The following ZBTB11 variants were observed in gnomAD, a reference collection of about 807,000 sequenced individuals.
ZBTB11 encodes the protein zinc finger and BTB domain-containing protein 11.
A neutral mutation model predicts 113.1 loss-of-function variants in ZBTB11; 68 were observed. That is an observed-to-expected ratio of 0.60 (90% CI 0.49 to 0.74). The LOEUF (loss-of-function observed/expected upper bound fraction) is 0.74, where lower values mean the gene tolerates loss of function less well. Ranked by LOEUF, ZBTB11 falls within the 30% of genes least tolerant of loss-of-function variation. The probability of loss-of-function intolerance (pLI) is 0.00; values close to 1 mark genes in which losing one functional copy is unlikely to be tolerated. For synonymous variants in ZBTB11, 518 were observed against 452.6 expected, an observed-to-expected ratio of 1.14 and a Z score of -1.83; for missense variants, 1,104 against 1,279.4, an observed-to-expected ratio of 0.86 and a Z score of 2.09.
chr3:101,672,364 A>G lies in ZBTB11; in HGVS notation c.311-151T>C. On this transcript the variant is annotated intron_variant, in intron 1 of 10. Transcript: ENST00000312938. ...TAGAGTTTATTAGAATGTAAAATAT[A>G]CTTTTTTCCCAAAAAATATAAAGTT... 3 of 569,958 alleles carry G rather than the reference A, an allele frequency of 5.3e-6. No homozygotes were observed. In the East Asian group the frequency reaches 9.2e-5, roughly 17 times the overall value. The allele number at this position is 569,958 out of a possible 1,614,324, so 35.3% of individuals were successfully genotyped here. A position where few individuals can be genotyped will look rare whatever the true frequency, so the allele number is the denominator to read the frequency against.
chr3:101,664,481 T>G, intron 5 of ZBTB11, 57 bp downstream of exon 5: 1 of 1,493,712 alleles, frequency 6.7e-7, no homozygotes, highest in Non-Finnish European at 9.0e-7. Flanking sequence ...ATGCAGTAAG[T>G]TGGATTCTAT....
chr3:101,652,454 C>T (rs1463089591), intron 10 of ZBTB11, 42 bp downstream of exon 10: 2 of 1,580,962 alleles, frequency 1.3e-6, no homozygotes, highest in South Asian at 1.2e-5. Flanking sequence ...ACTGGACTGG[C>T]TTTTATTCTA....
At position 101,677,076 on chromosome 3, in the gene ZBTB11, C is replaced by T; in HGVS notation, c.-162G>A. The stretch of plus-strand genomic sequence containing the variant: ...TCCCTTAGTCCGAAGGAAAAGCGGG[C>T]GAGTTGGTAACCAGGGGGAACTGCA... On this transcript the variant is annotated 5_prime_UTR_variant, in exon 1 of 11. Coordinates refer to ENST00000312938, the MANE Select transcript of ZBTB11 (RefSeq NM_014415.4). The T allele has an allele frequency of 6.4e-6, 5 of 781,968 alleles. No homozygotes were observed. The highest frequency in any genetic ancestry group is 2.1e-5 in the South Asian group (1 of 47,936). The allele number at this position is 781,968 out of a possible 1,614,324, so 48.4% of individuals were successfully genotyped here.
Position 101,676,695 on chromosome 3 carries a change from G to T in ZBTB11, c.220C>A (p.Leu74Ile), listed in dbSNP as rs542541417. ...GGACCCAGGTGCGCCGCCTCGATGA[G>T]GTCCCGGCGTCGCTCCGGCTGCAGC... is the stretch of plus-strand genomic sequence containing the variant. ...VVLQPERRRDLIEAAHLGPGG... is the reference protein window; with the variant it reads ...VVLQPERRRDIIEAAHLGPGG... The change falls in exon 1 of 11, where the codon CTC becomes ATC. Residue 74 changes from leucine (L) to isoleucine (I), a missense_variant. Transcript: ENST00000312938. The T allele has an allele frequency of 3.9e-5, 63 of 1,598,718 alleles. No homozygotes were observed. Among genetic ancestry groups the T allele is most frequent in the Non-Finnish European group, 5.1e-5 (60 of 1,172,240 alleles).
intron 1 of ZBTB11, among the ~76,000 whole-genome samples, chr3:101,674,398 T>C (rs567800391): frequency 6.6e-6 from 1 of 151,846 alleles, no homozygotes; most frequent in Non-Finnish European, 1.5e-5. Flanking sequence ...TTTATATGAG[T>C]GTAGATTTAG....
At chr3:101,674,656 G>A (rs1236471789) in intron 1 of ZBTB11, among the ~76,000 whole-genome samples, 1 of 151,858 alleles carries the variant, frequency 6.6e-6, no homozygotes, top group Admixed American at 6.6e-5. Flanking sequence ...CCGATATCGC[G>A]CCACTGCACT....
intron 3 of ZBTB11, among the ~76,000 whole-genome samples, chr3:101,669,983 C>G (rs546129497): frequency 6.6e-6 from 1 of 151,980 alleles, no homozygotes; most frequent in Non-Finnish European, 1.5e-5. Flanking sequence ...CATGCGCCAC[C>G]GTGCCCAACT....
At position 101,671,219 on chromosome 3, in the gene ZBTB11, G is replaced by C. The variant is rs1384049000; in HGVS notation, c.689C>G (p.Ser230Cys). ...ATACTCGCTATTTGCTGACAAAACA[G>C]ATTTATGAGCTTTGTACTCTTCTCC... The part of the protein sequence containing the change: ...IEGEEYKAHK[S>C]VLSANSEYFR... Residue 230 changes from serine (S) to cysteine (C), a missense_variant, in exon 3 of 11, where the codon TCT (serine) becomes TGT (cysteine). Physicochemically the swap from Ser to Cys is moderately radical, Grantham distance 112. Around this residue, in one of 5 missense-constraint regions of ZBTB11, gnomAD observed 86 missense variants for 131.0 expected, o/e 0.66. Transcript: ENST00000312938. The C allele has an allele frequency of 1.5e-5, 25 of 1,614,126 alleles. No homozygotes were observed. The highest frequency in any genetic ancestry group is 2.1e-5 in the Non-Finnish European group (25 of 1,180,006).
chr3:101,663,952 GAGTAC>G (rs1364243808), intron 5 of ZBTB11, among the ~76,000 whole-genome samples: 1 of 151,880 alleles, frequency 6.6e-6, no homozygotes, highest in African/African-American at 2.4e-5. Flanking sequence ...TCCCTGTTTT[GAGTAC>G]AGTACACTCT....
chr3:101,674,231 A>G (rs779460606), intron 1 of ZBTB11, among the ~76,000 whole-genome samples: 1 of 152,014 alleles, frequency 6.6e-6, no homozygotes, highest in African/African-American at 2.4e-5. Flanking sequence ...CACCAGAATC[A>G]CGTGAGCCTG....
intron 1 of ZBTB11, among the ~76,000 whole-genome samples, chr3:101,673,070 G>T (rs1444530265): frequency 6.6e-6 from 1 of 152,170 alleles, no homozygotes; most frequent in Non-Finnish European, 1.5e-5. Flanking sequence ...TGAAATAAAA[G>T]CATACACAAT....
chr3:101,663,113 G>A (rs1056638950), intron 5 of ZBTB11, among the ~76,000 whole-genome samples: 1 of 151,852 alleles, frequency 6.6e-6, no homozygotes, highest in Non-Finnish European at 1.5e-5. Flanking sequence ...CTAATTTTTT[G>A]TACTTTTAGT....
chr3:101,661,659 T>C (rs565890302), intron 5 of ZBTB11, among the ~76,000 whole-genome samples: 2 of 152,362 alleles, frequency 1.3e-5, no homozygotes, highest in Admixed American at 6.5e-5. Context: ...GACAATGTTA[T>C]TGTTTGTCCT....
chr3:101,659,978 A>G lies in ZBTB11; in HGVS notation c.1851T>C (p.Ile617=), dbSNP rs766563585. 2 of 1,614,186 alleles carry G rather than the reference A, an allele frequency of 1.2e-6. No individual in the cohort carries two copies. Among genetic ancestry groups the G allele is most frequent in the East Asian group, 2.2e-5 (1 of 44,880 alleles). ...AGGGTGCATCTTTTCTGGTATGACG[A>G]ATAAGATGTGCTCGCAAAGAGGCAC... ...QYSASLRAHL[I]RHTRKDAPSS... Residue 617 remains isoleucine, a synonymous_variant, in exon 6 of 11, where the codon ATT becomes ATC. Coordinates refer to ENST00000312938, the MANE Select transcript of ZBTB11 (RefSeq NM_014415.4).
At chr3:101,662,244 T>G (rs1936903977) in intron 5 of ZBTB11, 1 of 152,144 alleles carries the variant, frequency 6.6e-6, no homozygotes, top group Non-Finnish European at 1.5e-5. Context: ...TGGGCTCAAG[T>G]GATCCTCCCA....
intron 8 of ZBTB11, among the ~76,000 whole-genome samples, 159 bp downstream of exon 8, chr3:101,654,545 C>T (rs1208191397): frequency 6.6e-6 from 1 of 151,658 alleles, no homozygotes; most frequent in Admixed American, 6.6e-5. Context: ...ATTTACATCT[C>T]GAAGATGTTA....
At chr3:101,673,585 C>G (rs1937116134) in intron 1 of ZBTB11, among the ~76,000 whole-genome samples, 1 of 151,874 alleles carries the variant, frequency 6.6e-6, no homozygotes, top group Non-Finnish European at 1.5e-5. Context: ...GGGATCCCGG[C>G]TCACTGCAAC....
Position 101,669,900 on chromosome 3 carries a change from C to G in ZBTB11, c.778+1230G>C, listed in dbSNP as rs1937059859. Among the ~76,000 whole-genome samples, 3 of 151,398 alleles carry G rather than the reference C, an allele frequency of 2.0e-5. No individual in the cohort carries two copies. In the South Asian group the frequency reaches 6.2e-4, roughly 31 times the overall value. On this transcript the variant is annotated intron_variant, in intron 3 of 10. Coordinates refer to ENST00000312938, the MANE Select transcript of ZBTB11 (RefSeq NM_014415.4). ...CTGGAGTGCAATGGTGTGATCTCAGCTCACCGCAACGTCCACCTCCCAGGT... is the reference window on the plus strand; with the variant it reads ...CTGGAGTGCAATGGTGTGATCTCAGGTCACCGCAACGTCCACCTCCCAGGT...
In ZBTB11 at chr3:101,665,347, A is replaced by C; in HGVS notation, c.1240T>G (p.Leu414Val). ...TCTGTCTGGTTGTTTTTTGTTATTA[A>C]ATCAACAGACTCCATTTCAGGATGG... ...DSHPEMESVD[L>V]ITKNNQTELE... The change falls in exon 4 of 11, where the codon TTA becomes GTA. Residue 414 changes from leucine to valine, a missense_variant. Physicochemically the swap from Leu to Val is conservative, Grantham distance 32 (BLOSUM62 1). Coordinates refer to ENST00000312938, the MANE Select transcript of ZBTB11 (RefSeq NM_014415.4). 4 of 1,614,168 alleles carry C rather than the reference A, an allele frequency of 2.5e-6. No individual in the cohort carries two copies. In the South Asian group the frequency reaches 4.4e-5, roughly 18 times the overall value.
Sources: gnomAD v4.1 joint callset for allele counts (sites outside exome capture counted in the v4.1 genomes callset) on GRCh38, gnomAD v4.1.1 for gene constraint, gnomAD v4.1.1 regional missense constraint, MANE v1.5 for transcripts, NCBI Gene and HGNC (gene_info 2026-07-23, HGNC 2026-07-21) for gene names.